APAF1: variants seen among roughly 807,000 people sequenced by gnomAD.
APAF1 encodes apoptotic peptidase activating factor 1.
Under a neutral mutation model 152.4 loss-of-function variants are expected in APAF1, and 91 were observed. That is an observed-to-expected ratio of 0.60 (90% CI 0.50 to 0.71). The LOEUF (loss-of-function observed/expected upper bound fraction) is 0.71. Ranked by LOEUF, APAF1 falls within the 30% of genes least tolerant of loss-of-function variation. The pLI, the probability that APAF1 is intolerant of heterozygous loss-of-function variation, is 0.00. For missense variants in APAF1, 1,283 were observed against 1,472.0 expected (o/e 0.87, Z 2.10); for synonymous variants, 484 against 494.1 (o/e 0.98, Z 0.27).
chr12:98,661,520 A>G (rs576561234), intron 5 of APAF1, among the ~76,000 whole-genome samples: 2 of 151,842 alleles, frequency 1.3e-5, no homozygotes, highest in African/African-American at 4.8e-5. Context: ...CTTGTTGCCC[A>G]GGTTGGAGTG....
intron 12 of APAF1, among the ~76,000 whole-genome samples, chr12:98,672,287 C>G (rs2097681239): frequency 6.6e-6 from 1 of 152,036 alleles, no homozygotes; most frequent in Admixed American, 6.6e-5. Flanking sequence ...GCCTCAGCCT[C>G]CAAAGTAGCT....
intron 16 of APAF1, among the ~76,000 whole-genome samples, chr12:98,693,458 C>A (rs2097706492): frequency 6.6e-6 from 1 of 152,136 alleles, no homozygotes; most frequent in Admixed American, 6.5e-5. Flanking sequence ...TGTAACTAAT[C>A]ACAATTGAGC....
chr12:98,652,785 C>A (rs2097650546), intron 4 of APAF1, among the ~76,000 whole-genome samples: 1 of 152,046 alleles, frequency 6.6e-6, no homozygotes, highest in Non-Finnish European at 1.5e-5. Context: ...CACCACCACG[C>A]CTGGCTAATT....
intron 7 of APAF1, among the ~76,000 whole-genome samples, chr12:98,664,656 C>T (rs1330846470): frequency 2.6e-5 from 4 of 152,096 alleles, no homozygotes; most frequent in Non-Finnish European, 5.9e-5. Context: ...GCCCCAGCCT[C>T]CTGAATAGCT....
rs116565057 is a variant in APAF1 at position 98,688,929 on chromosome 12, C to T, written c.2304+2056C>T. ...CTGGGCTTAGATGATCCTCCCACCT[C>T]AGCCTCTTGAGTAGCTGGGACTGCA... On this transcript the variant is annotated intron_variant, in intron 16 of 26. Transcript: ENST00000551964. Among the ~76,000 whole-genome samples, 638 of 152,108 alleles carry T rather than the reference C, an allele frequency of 4.2e-3. 2 individuals are homozygous for T. The highest frequency in any genetic ancestry group is 0.014 in the African/African-American group (589 of 41,486).
At chr12:98,657,479 T>C (rs2097659222) in intron 4 of APAF1, among the ~76,000 whole-genome samples, 1 of 152,234 alleles carries the variant, frequency 6.6e-6, no homozygotes, top group African/African-American at 2.4e-5. Flanking sequence ...GATCCTTTCC[T>C]TGACCTTGTG....
chr12:98,719,385 C>T (rs150045662), intron 22 of APAF1, among the ~76,000 whole-genome samples: 2 of 152,078 alleles, frequency 1.3e-5, no homozygotes, highest in East Asian at 3.9e-4. Context: ...CAGTCTTGCT[C>T]TGTTGCCAGG....
chr12:98,702,164 C>A (rs2097716141), intron 17 of APAF1, among the ~76,000 whole-genome samples: 1 of 151,966 alleles, frequency 6.6e-6, no homozygotes, highest in African/African-American at 2.4e-5. Flanking sequence ...CTCCTGGGTT[C>A]ACGCCATTCT....
chr12:98,726,172 A>AT (rs34108074), intron 25 of APAF1, among the ~76,000 whole-genome samples: 2 of 151,940 alleles, frequency 1.3e-5, no homozygotes, highest in Non-Finnish European at 2.9e-5. Context: ...AAAACAATCT[A>AT]TTTTTTTTAG....
At chr12:98,718,468 C>G (rs1235065301) in intron 22 of APAF1, among the ~76,000 whole-genome samples, 2 of 152,008 alleles carry the variant, frequency 1.3e-5, no homozygotes, top group Non-Finnish European at 2.9e-5. Context: ...CTCCTGATCT[C>G]AAGTGATCTC....
chr12:98,688,089 G>C (rs2097699912), intron 16 of APAF1, among the ~76,000 whole-genome samples: 1 of 152,088 alleles, frequency 6.6e-6, no homozygotes, highest in African/African-American at 2.4e-5. Context: ...TCTTGTTTTT[G>C]AGAAGCCACA....
intron 19 of APAF1, among the ~76,000 whole-genome samples, chr12:98,707,458 T>C (rs1358797069): frequency 6.6e-6 from 1 of 152,210 alleles, no homozygotes; most frequent in Non-Finnish European, 1.5e-5. Flanking sequence ...TCTAATTCTA[T>C]GTCATTTTCT....
At position 98,664,821 on chromosome 12, in the gene APAF1, C is replaced by T. The variant is rs999511942; in HGVS notation, c.956-732C>T. On this transcript the variant is annotated intron_variant, in intron 7 of 26. Coordinates refer to ENST00000551964, the MANE Select transcript of APAF1 (RefSeq NM_181861.2). ...AAGTGCTAGGACTACAGACACATGT[C>T]GCCACACCCAGCTGGATCTTACCCT... is the stretch of plus-strand genomic sequence containing the variant. Among the ~76,000 whole-genome samples, 48 of 152,154 alleles carry T rather than the reference C, an allele frequency of 3.2e-4. 2 individuals carry two copies. The highest frequency in any genetic ancestry group is 2.5e-3 in the Admixed American group (38 of 15,272).
rs146324917 is a variant in APAF1 at position 98,648,811 on chromosome 12, G to A, written c.324G>A (p.Ser108=). ...SGKDSVSGIT[S]YVRTVLCEGG... ...AAGATTCAGTTAGTGGAATAACTTC[G>A]TATGGTTTGTATCCATTATACCTTC... The change falls in exon 3 of 27, where the codon TCG becomes TCA. Residue 108 remains serine (S), a synonymous_variant. Transcript: ENST00000551964. The A allele has an allele frequency of 4.0e-5, 65 of 1,613,134 alleles. No homozygotes were observed. The highest frequency in any genetic ancestry group is 1.1e-4 in the African/African-American group (8 of 74,978).
intron 26 of APAF1, among the ~76,000 whole-genome samples, chr12:98,731,030 G>A (rs1357951030): frequency 6.6e-6 from 1 of 152,178 alleles, no homozygotes; most frequent in Non-Finnish European, 1.5e-5. Flanking sequence ...CCATGACTTG[G>A]TGGCAGCAGA....
chr12:98,702,420 A>G (rs142171589), intron 17 of APAF1, among the ~76,000 whole-genome samples: 4 of 152,286 alleles, frequency 2.6e-5, no homozygotes, highest in South Asian at 2.1e-4. Flanking sequence ...TCTAAGGTCT[A>G]TGTCTTGATC....
intron 18 of APAF1, among the ~76,000 whole-genome samples, chr12:98,704,673 G>A (rs1191295561): frequency 6.6e-6 from 1 of 152,180 alleles, no homozygotes; most frequent in Non-Finnish European, 1.5e-5. Context: ...GCACACAGAG[G>A]CAGGGAGTGT....
At chr12:98,683,786 A>G (rs990296282) in intron 15 of APAF1, among the ~76,000 whole-genome samples, 1 of 152,218 alleles carries the variant, frequency 6.6e-6, no homozygotes, top group African/African-American at 2.4e-5. Flanking sequence ...GTTATATGGA[A>G]GTGGGACAAA....
At chr12:98,687,297 G>A (rs148808800) in intron 16 of APAF1, among the ~76,000 whole-genome samples, 12,606 of 151,562 alleles carry the variant, frequency 0.083, 703 homozygotes, top group East Asian at 0.24. Context: ...GGGAGGTGGA[G>A]GTTGCAGTGA....
Sources: allele counts gnomAD v4.1 joint callset (sites outside exome capture counted in the v4.1 genomes callset), GRCh38; gene constraint gnomAD v4.1.1; transcripts MANE v1.5; gene names NCBI Gene and HGNC (gene_info 2026-07-23, HGNC 2026-07-21).